The following DLGAP1 variants were observed in gnomAD, a reference collection of about 807,000 sequenced individuals.
The protein encoded by DLGAP1 is DLG associated protein 1, also known as disks large-associated protein 1.
In DLGAP1, 11 loss-of-function variants were observed where a neutral mutation model predicts 90.8. That is an observed-to-expected ratio of 0.12 (90% CI 0.08 to 0.20). DLGAP1 has a LOEUF of 0.20. Ranked by LOEUF, DLGAP1 falls within the 10% of genes least tolerant of loss-of-function variation. The pLI is 1.00. For missense variants in DLGAP1, 1,050 were observed against 1,333.8 expected, an observed-to-expected ratio of 0.79 and a Z score of 3.31; for synonymous variants, 558 against 540.7, an observed-to-expected ratio of 1.03 and a Z score of -0.44.
intron 9 of DLGAP1, among the ~76,000 whole-genome samples, chr18:3,539,456 C>G (rs1376364696): frequency 1.3e-5 from 2 of 152,186 alleles, no homozygotes; most frequent in African/African-American, 4.8e-5. Flanking sequence ...ACCATGAAAG[C>G]AAAGACTGGA....
chr18:4,154,085 C>T (rs771433744), intron 1 of DLGAP1, among the ~76,000 whole-genome samples: 61 of 152,198 alleles, frequency 4.0e-4, no homozygotes, highest in African/African-American at 1.3e-3. Flanking sequence ...GATAAAGAGA[C>T]GGAATCTTGC....
At position 4,133,985 on chromosome 18, in the gene DLGAP1, A is replaced by G. The variant is rs2076359114; in HGVS notation, c.-159+17195T>C. On this transcript the variant is annotated intron_variant, in intron 2 of 12. Coordinates refer to ENST00000315677, the MANE Select transcript of DLGAP1 (RefSeq NM_004746.4). Reference sequence around the variant, plus strand: ...ACCCAAAGATTTTGACATTGAGATAATAGTGGTCCTAAAAAAAAAAGGAGA... The same window carrying G: ...ACCCAAAGATTTTGACATTGAGATAGTAGTGGTCCTAAAAAAAAAAGGAGA... 2.1e-5 allele frequency among the ~76,000 whole-genome samples: 3 copies of G among 143,738 alleles called. No individual in the cohort carries two copies. The South Asian group carries it at 6.6e-4, about 31-fold the overall frequency. 94.3% of individuals were successfully genotyped at this position (143,738 alleles called of 152,430 possible).
intron 5 of DLGAP1, among the ~76,000 whole-genome samples, chr18:3,754,066 T>A (rs963397000): frequency 4.6e-5 from 7 of 152,206 alleles, no homozygotes; most frequent in Admixed American, 1.3e-4. Context: ...AGTGGCATGA[T>A]CATGGCTCAC....
At chr18:3,631,815 C>T (rs893539688) in intron 7 of DLGAP1, among the ~76,000 whole-genome samples, 2 of 152,074 alleles carry the variant, frequency 1.3e-5, no homozygotes, top group African/African-American at 2.4e-5. Flanking sequence ...TTTTTCAAGA[C>T]GAGGTCTCGC....
chr18:4,085,716 CA>C (rs1391838935), intron 2 of DLGAP1, among the ~76,000 whole-genome samples: 1 of 152,138 alleles, frequency 6.6e-6, no homozygotes, highest in African/African-American at 2.4e-5. Context: ...CAGAAGGAAA[CA>C]AAATGTATTT....
At chr18:4,093,101 G>A (rs190960278) in intron 2 of DLGAP1, among the ~76,000 whole-genome samples, 1 of 152,178 alleles carries the variant, frequency 6.6e-6, no homozygotes, top group Admixed American at 6.5e-5. Context: ...CTTTTCCTTA[G>A]CCTTGGTGGA....
chr18:4,395,099 C>T (rs1005054774), intron 1 of DLGAP1, among the ~76,000 whole-genome samples: 1 of 152,188 alleles, frequency 6.6e-6, no homozygotes, highest in Admixed American at 6.5e-5. Context: ...TCAGACTTTC[C>T]TTTGAGTTTT....
At chr18:3,759,082 C>A (rs970786290) in intron 5 of DLGAP1, among the ~76,000 whole-genome samples, 1 of 144,908 alleles carries the variant, frequency 6.9e-6, no homozygotes, top group Admixed American at 6.9e-5. Context: ...AGGTTTGACA[C>A]GGGGCATAAA....
At chr18:3,837,064 T>C (rs1598945449) in intron 4 of DLGAP1, among the ~76,000 whole-genome samples, 2 of 152,352 alleles carry the variant, frequency 1.3e-5, no homozygotes, top group Middle Eastern at 3.4e-3. Flanking sequence ...AACTGCTACA[T>C]GTAAAGAAGT....
intron 3 of DLGAP1, among the ~76,000 whole-genome samples, chr18:3,906,970 C>A (rs1167351518): frequency 2.0e-5 from 3 of 152,078 alleles, no homozygotes; most frequent in South Asian, 2.1e-4. Flanking sequence ...AATAGTAATA[C>A]AAATAAAATG....
chr18:3,622,719 T>G (rs749640939), intron 7 of DLGAP1, among the ~76,000 whole-genome samples: 1 of 152,248 alleles, frequency 6.6e-6, no homozygotes, highest in South Asian at 2.1e-4. Context: ...AGCGGAAAGA[T>G]AATCACTTTT....
chr18:4,448,501 T>C (rs1014294578), intron 1 of DLGAP1, among the ~76,000 whole-genome samples: 3 of 152,172 alleles, frequency 2.0e-5, no homozygotes, highest in African/African-American at 7.2e-5. Flanking sequence ...TTTTCAATTA[T>C]CTATAAAGCA....
chr18:3,528,667 T>C (rs2144361694), intron 10 of DLGAP1, among the ~76,000 whole-genome samples: 1 of 152,340 alleles, frequency 6.6e-6, no homozygotes, highest in Non-Finnish European at 1.5e-5. Context: ...GCAAGATGAA[T>C]ATTCTTTCAT....
At chr18:3,807,779 T>A (rs1189182153) in intron 5 of DLGAP1, among the ~76,000 whole-genome samples, 1 of 152,218 alleles carries the variant, frequency 6.6e-6, no homozygotes, top group African/African-American at 2.4e-5. Context: ...TTTAAAAATG[T>A]CTCATTCCTT....
intron 2 of DLGAP1, among the ~76,000 whole-genome samples, chr18:4,147,065 G>A (rs1018823241): frequency 1.3e-5 from 2 of 152,142 alleles, no homozygotes; most frequent in Admixed American, 1.3e-4. Context: ...GTGCAACACT[G>A]ACACATGAAC....
At chr18:3,783,647 A>ATT (rs1298126397) in intron 5 of DLGAP1, among the ~76,000 whole-genome samples, 1 of 152,178 alleles carries the variant, frequency 6.6e-6, no homozygotes, top group African/African-American at 2.4e-5. Flanking sequence ...CATGACTACC[A>ATT]ATAGGCATGG....
At chr18:3,546,851 G>C (rs1008536709) in intron 9 of DLGAP1, among the ~76,000 whole-genome samples, 2 of 151,728 alleles carry the variant, frequency 1.3e-5, no homozygotes, top group African/African-American at 4.8e-5. Context: ...CAGAATAAAG[G>C]AAATTATAAG....
intron 1 of DLGAP1, among the ~76,000 whole-genome samples, chr18:4,412,316 C>T (rs1038513819): frequency 6.6e-6 from 1 of 152,154 alleles, no homozygotes; most frequent in Non-Finnish European, 1.5e-5. Context: ...TACCCCACTC[C>T]ACTCTGTTAA....
intron 8 of DLGAP1, among the ~76,000 whole-genome samples, chr18:3,569,825 T>C (rs747655580): frequency 6.6e-6 from 1 of 152,008 alleles, no homozygotes; most frequent in East Asian, 2.0e-4. Context: ...TACATTCTCA[T>C]ATAGGCATTC....
Sources: allele counts gnomAD v4.1 joint callset (sites outside exome capture counted in the v4.1 genomes callset), GRCh38; gene constraint gnomAD v4.1.1; transcripts MANE v1.5; gene names NCBI Gene and HGNC (gene_info 2026-07-23, HGNC 2026-07-21).